TRIM38: variants seen among roughly 807,000 people sequenced by gnomAD.
TRIM38 encodes the protein tripartite motif containing 38.
Under a neutral mutation model 35.8 loss-of-function variants are expected in TRIM38, and 35 were observed. That is an observed-to-expected ratio of 0.98 (90% CI 0.75 to 1.30). The LOEUF is 1.30. Among genes scored for constraint, TRIM38 ranks in the 50% most tolerant of loss-of-function variants. TRIM38 has a pLI of 0.00. For missense variants in TRIM38, 545 were observed against 556.9 expected (o/e 0.98, Z 0.21); for synonymous variants, 198 against 204.7 (o/e 0.97, Z 0.28).
Position 25,985,606 on chromosome 6 carries a change from T to G in TRIM38, c.*1919T>G, listed in dbSNP as rs1193662781. 6.6e-6 allele frequency: 1 copy of G among 152,232 alleles called. No homozygotes were observed. Among genetic ancestry groups the G allele is most frequent in the Non-Finnish European group, 1.5e-5 (1 of 68,036 alleles). 9.4% of individuals were successfully genotyped at this position (152,232 alleles called of 1,614,324 possible). A position where few individuals can be genotyped will look rare whatever the true frequency, so the allele number is the denominator to read the frequency against. ...TCCCCAACAGAAGGATTATCGCCAG[T>G]TGCACTTGTTCTATATACCCGTAGT... On this transcript the variant is annotated 3_prime_UTR_variant, in exon 8 of 8. Transcript: ENST00000357085.
chr6:25,966,291 C>T (rs952337436), intron 2 of TRIM38, 44 bp from the exon 3 acceptor site: 4 of 450,490 alleles, frequency 8.9e-6, no homozygotes, highest in Non-Finnish European at 1.5e-5. Flanking sequence ...TTGCAGTTCT[C>T]AAACGTGGCC....
intron 7 of TRIM38, among the ~76,000 whole-genome samples, chr6:25,980,337 C>T (rs932332181): frequency 1.3e-5 from 2 of 151,988 alleles, no homozygotes; most frequent in African/African-American, 4.8e-5. Context: ...TATATTAACA[C>T]AATTCTAAAC....
At chr6:25,964,379 G>A (rs1011957214) in intron 2 of TRIM38, among the ~76,000 whole-genome samples, 1 of 152,130 alleles carries the variant, frequency 6.6e-6, no homozygotes, top group Non-Finnish European at 1.5e-5. Context: ...TCTTTGAGGG[G>A]CAGTAAATGA....
At position 25,988,492 on chromosome 6, in the gene TRIM38, C is replaced by CTTTTTTTTTTTTTTTTTTTTTTTTT. The variant is rs1259308684; in HGVS notation, c.*4808_*4809insTTTTTTTTTTTTTTTTTTTTTTTTT. 6.6e-5 allele frequency: 2 copies of CTTTTTTTTTTTTTTTTTTTTTTTTT among 30,134 alleles called. No homozygotes were observed. The highest frequency in any genetic ancestry group is 4.0e-4 in the Admixed American group (1 of 2,524). 1.9% of individuals were successfully genotyped at this position (30,134 alleles called of 1,614,324 possible). A position where few individuals can be genotyped will look rare whatever the true frequency, so the allele number is the denominator to read the frequency against. On this transcript the variant is annotated 3_prime_UTR_variant, in exon 8 of 8. Coordinates refer to ENST00000357085, the MANE Select transcript of TRIM38 (RefSeq NM_006355.5). The stretch of plus-strand genomic sequence containing the variant: ...TCTTTTTCTTTTTCTTTTTTCTTTT[C>CTTTTTTTTTTTTTTTTTTTTTTTTT]TTTCTTTTTTTTTTTTTTTTTGAGA...
In TRIM38 at chr6:25,975,964, G is replaced by A. The variant is rs571293704; in HGVS notation, c.874+2679G>A. Among the ~76,000 whole-genome samples, 7 of 152,182 alleles carry A rather than the reference G, an allele frequency of 4.6e-5. No homozygotes were observed. The East Asian group carries it at 1.4e-3, about 29-fold the overall frequency. The stretch of plus-strand genomic sequence containing the variant: ...AGGTTGTTGTTAATCTTAATATATG[G>A]TACCATATTACTTGACTCAAAGTTG... On this transcript the variant is annotated intron_variant, in intron 7 of 7. Coordinates refer to ENST00000357085, the MANE Select transcript of TRIM38 (RefSeq NM_006355.5).
chr6:25,981,545 T>C (rs1760546197), intron 7 of TRIM38, among the ~76,000 whole-genome samples: 1 of 152,264 alleles, frequency 6.6e-6, no homozygotes, highest in Admixed American at 6.5e-5. Context: ...GTTCAGTATC[T>C]CACTTTAGGT....
Position 25,988,883 on chromosome 6 carries a change from G to T in TRIM38, c.*5196G>T, listed in dbSNP as rs992431773. ...TATAAACATCTATGTGCAGGTTTTT[G>T]TGTGGAGATAAGTTTTCAATTCCTT... On this transcript the variant is annotated 3_prime_UTR_variant, in exon 8 of 8. Transcript: ENST00000357085. The T allele has an allele frequency of 3.3e-5, 5 of 152,182 alleles. No individual in the cohort carries two copies. Among genetic ancestry groups the T allele is most frequent in the African/African-American group, 1.2e-4 (5 of 41,460 alleles). The allele number at this position is 152,182 out of a possible 1,614,324, so 9.4% of individuals were successfully genotyped here.
chr6:25,975,252 C>T (rs1464517465), intron 7 of TRIM38: 1 of 546,104 alleles, frequency 1.8e-6, no homozygotes, highest in African/African-American at 2.1e-5. Flanking sequence ...CGCTGTTACC[C>T]AGGCTGGCTT....
Position 25,983,716 on chromosome 6 carries a change from C to T in TRIM38, c.*29C>T, listed in dbSNP as rs1760636826. On this transcript the variant is annotated 3_prime_UTR_variant, in exon 8 of 8. Transcript: ENST00000357085. ...AAAGAGCAGAAGCTCCTTGGTTTAA[C>T]CAGCACAGAGAAAATAATATAAATC... The T allele has an allele frequency of 2.0e-6, 3 of 1,526,284 alleles. No homozygotes were observed. Among genetic ancestry groups the T allele is most frequent in the East Asian group, 2.3e-5 (1 of 44,406 alleles). 94.5% of individuals were successfully genotyped at this position (1,526,284 alleles called of 1,614,324 possible). A position where few individuals can be genotyped will look rare whatever the true frequency, so the allele number is the denominator to read the frequency against.
rs1244343754 is a variant in TRIM38 at position 25,987,922 on chromosome 6, G to A, written c.*4235G>A. The stretch of plus-strand genomic sequence containing the variant: ...ACTGTCTTTTCTAGAGTGTCATACA[G>A]TTGTGAAGCAGGAAGCAGGAGTGAA... On this transcript the variant is annotated 3_prime_UTR_variant, in exon 8 of 8. Coordinates refer to ENST00000357085, the MANE Select transcript of TRIM38 (RefSeq NM_006355.5). 6.6e-6 allele frequency: 1 copy of A among 152,138 alleles called. No homozygotes were observed. Among genetic ancestry groups the A allele is most frequent in the African/African-American group, 2.4e-5 (1 of 41,410 alleles). 9.4% of individuals were successfully genotyped at this position (152,138 alleles called of 1,614,324 possible).
At chr6:25,970,202 C>CA (rs1291540138) in intron 4 of TRIM38, among the ~76,000 whole-genome samples, 2 of 152,168 alleles carry the variant, frequency 1.3e-5, no homozygotes, top group Non-Finnish European at 2.9e-5. Context: ...AGGCGTGAGC[C>CA]ACTGCACCCG....
intron 2 of TRIM38, among the ~76,000 whole-genome samples, chr6:25,964,516 G>T (rs1419725333): frequency 6.6e-6 from 1 of 152,186 alleles, no homozygotes; most frequent in Non-Finnish European, 1.5e-5. Flanking sequence ...GAAAGTGTCT[G>T]ATTAGGTCTG....
At chr6:25,981,717 G>A (rs901858296) in intron 7 of TRIM38, among the ~76,000 whole-genome samples, 6 of 152,180 alleles carry the variant, frequency 3.9e-5, no homozygotes, top group Admixed American at 3.9e-4. Context: ...TGTGTCATGA[G>A]ACCTGGGTCT....
At chr6:25,967,819 T>C (rs1760110244) in intron 3 of TRIM38, among the ~76,000 whole-genome samples, 1 of 152,068 alleles carries the variant, frequency 6.6e-6, no homozygotes, top group African/African-American at 2.4e-5. Context: ...CATGAACCAC[T>C]GTGCCCAGCT....
In TRIM38 at chr6:25,983,498, T is replaced by C; in HGVS notation, c.1209T>C (p.Leu403=). 6.2e-7 allele frequency: 1 copy of C among 1,614,118 alleles called. No individual in the cohort carries two copies. Among genetic ancestry groups the C allele is most frequent in the Non-Finnish European group, 8.5e-7 (1 of 1,180,028 alleles). The change falls in exon 8 of 8, where the codon CTT becomes CTC. Residue 403 remains leucine, a synonymous_variant. Transcript: ENST00000357085. The part of the protein sequence containing the change: ...YVALTSPPTS[L]HLHEQPLLVG... ...CACTTACTTCTCCCCCAACTTCCCT[T>C]CATCTGCATGAGCAGCCCCTGCTTG...
At chr6:25,973,100 G>A (rs779155876) in intron 6 of TRIM38, 24 bp downstream of exon 6, 6 of 1,614,018 alleles carry the variant, frequency 3.7e-6, no homozygotes, top group Non-Finnish European at 4.2e-6. Context: ...GAATGCAGGA[G>A]GGGAGGGGTG....
At chr6:25,967,296 A>G (rs1245190366) in intron 3 of TRIM38, among the ~76,000 whole-genome samples, 1 of 152,188 alleles carries the variant, frequency 6.6e-6, no homozygotes, top group Non-Finnish European at 1.5e-5. Context: ...CAGGGAAGAA[A>G]GACCCATCAC....
At chr6:25,963,489 C>T (rs1487442467) in intron 2 of TRIM38, among the ~76,000 whole-genome samples, 1 of 152,064 alleles carries the variant, frequency 6.6e-6, no homozygotes, top group African/African-American at 2.4e-5. Context: ...TATCCCTGGC[C>T]TCCCCCATCT....
At chr6:25,967,038 A>G in intron 3 of TRIM38, 105 bp downstream of exon 3, 1 of 1,203,346 alleles carries the variant, frequency 8.3e-7, no homozygotes. Flanking sequence ...TTGGAAATAC[A>G]GCTTTCATCA....
Sources: gnomAD v4.1 joint callset for allele counts (sites outside exome capture counted in the v4.1 genomes callset) on GRCh38, gnomAD v4.1.1 for gene constraint, MANE v1.5 for transcripts, NCBI Gene and HGNC (gene_info 2026-07-23, HGNC 2026-07-21) for gene names.